The following MTUS1 variants were observed in gnomAD, a reference collection of about 807,000 sequenced individuals.
MTUS1 encodes microtubule associated scaffold protein 1, also known as microtubule-associated tumor suppressor 1.
Under a neutral mutation model 120.8 loss-of-function variants are expected in MTUS1, and 109 were observed. The observed-to-expected ratio is 0.90, with a 90% CI of 0.77 to 1.06. MTUS1 has a LOEUF of 1.06. MTUS1 is among the 50% of genes least tolerant of loss of function. The pLI is 0.00. For missense variants in MTUS1, 2,210 were observed against 1,486.3 expected (o/e 1.49, Z -8.01); for synonymous variants, 737 against 550.5 (o/e 1.34, Z -4.74).
rs564877355 is a variant in MTUS1 at position 17,675,019 on chromosome 8, C to A, written c.2905+167G>T. The A allele has an allele frequency of 2.5e-5, 36 of 1,419,182 alleles. No homozygotes were observed. The South Asian group carries it at 5.2e-4, about 20-fold the overall frequency. 87.9% of individuals were successfully genotyped at this position (1,419,182 alleles called of 1,614,324 possible). On this transcript the variant is annotated intron_variant, in intron 8 of 14. Coordinates refer to ENST00000693296, the MANE Select transcript of MTUS1 (RefSeq NM_001363059.2). ...ATTCTGTGAACTGAAGGTCAAGCTG[C>A]CAAGATTCAAAAGAAATGTCGATAG...
intron 3 of MTUS1, among the ~76,000 whole-genome samples, chr8:17,738,549 T>C (rs927753370): frequency 6.6e-6 from 1 of 152,218 alleles, no homozygotes; most frequent in Non-Finnish European, 1.5e-5. Context: ...GCAGCATTAA[T>C]TTTATTATTA....
chr8:17,654,908 G>A lies in MTUS1; in HGVS notation c.3109-242C>T, dbSNP rs767647677. The A allele has an allele frequency of 8.6e-5, 45 of 526,282 alleles. No homozygotes were observed. In the Middle Eastern group the frequency reaches 1.2e-3, roughly 14 times the overall value. 32.6% of individuals were successfully genotyped at this position (526,282 alleles called of 1,614,324 possible). Reference sequence around the variant, plus strand: ...GTTCAAGTCCAGCCTGGGCAATGTCGCGAGACTCTGTCCCCACATGTGCAC... The same window carrying A: ...GTTCAAGTCCAGCCTGGGCAATGTCACGAGACTCTGTCCCCACATGTGCAC... On this transcript the variant is annotated intron_variant, in intron 9 of 14. Coordinates refer to ENST00000693296, the MANE Select transcript of MTUS1 (RefSeq NM_001363059.2).
rs144773361 is a variant in MTUS1 at position 17,754,817 on chromosome 8, T to C, written c.991A>G (p.Lys331Glu). The change falls in exon 2 of 15, where the codon AAG becomes GAG. Residue 331 changes from lysine to glutamate, a missense_variant. Transcript: ENST00000693296. ...EPHSQSSYRH[K>E]EMGQNLRETV... ...TCTCTCAGATTTTGGCCCATTTCCT[T>C]GTGCCTGTATGAGCTCTGTGAATGT... The C allele has an allele frequency of 5.6e-4, 911 of 1,614,242 alleles. 1 individual carries two copies. The highest frequency in any genetic ancestry group is 7.0e-4 in the Non-Finnish European group (830 of 1,180,034).
chr8:17,724,152 T>C (rs941116064), intron 3 of MTUS1: 11 of 492,528 alleles, frequency 2.2e-5, no homozygotes, highest in African/African-American at 2.0e-4. Context: ...AGAAAGCAGC[T>C]TTTGGCAAAA....
At chr8:17,669,552 A>G (rs1811584917) in intron 8 of MTUS1, among the ~76,000 whole-genome samples, 1 of 152,298 alleles carries the variant, frequency 6.6e-6, no homozygotes, top group South Asian at 2.1e-4. Flanking sequence ...TTTGTTAAAA[A>G]TGTCCAGTAC....
At chr8:17,703,165 G>C (rs558831051) in intron 6 of MTUS1, among the ~76,000 whole-genome samples, 1 of 152,296 alleles carries the variant, frequency 6.6e-6, no homozygotes, top group South Asian at 2.1e-4. Flanking sequence ...CGGTCGGGCA[G>C]AATACAGCCA....
intron 6 of MTUS1, among the ~76,000 whole-genome samples, chr8:17,689,370 TC>T (rs150358796): frequency 0.041 from 6,240 of 152,246 alleles, 417 homozygotes; most frequent in African/African-American, 0.14. Context: ...GGGTTCTACT[TC>T]TTTTCTTCAC....
intron 3 of MTUS1, among the ~76,000 whole-genome samples, chr8:17,739,425 G>C (rs1400802284): frequency 1.4e-5 from 2 of 147,280 alleles, no homozygotes; most frequent in African/African-American, 5.0e-5. Flanking sequence ...CCAGGGAAGG[G>C]GAGGTTGTGG....
At chr8:17,749,035 C>A (rs1362970151) in intron 2 of MTUS1, among the ~76,000 whole-genome samples, 1 of 152,092 alleles carries the variant, frequency 6.6e-6, no homozygotes, top group Non-Finnish European at 1.5e-5. Context: ...TCTGAAGGGA[C>A]CACTTCTCTC....
rs1193751816 is a variant in MTUS1 at position 17,655,895 on chromosome 8, C to A, written c.3076G>T (p.Ala1026Ser). 1 of 1,614,248 alleles carries A rather than the reference C, an allele frequency of 6.2e-7. No homozygotes were observed. Among genetic ancestry groups the A allele is most frequent in the East Asian group, 2.2e-5 (1 of 44,890 alleles). Residue 1026 changes from alanine (A) to serine (S), a missense_variant, in exon 9 of 15, where the codon GCA (alanine) becomes TCA (serine). Coordinates refer to ENST00000693296, the MANE Select transcript of MTUS1 (RefSeq NM_001363059.2). ...EKLRDTYIEEAEKYKMQLQEQ... is the reference protein window; with the variant it reads ...EKLRDTYIEESEKYKMQLQEQ... ...TGCAATTGCATTTTGTACTTCTCTG[C>A]TTCTTCAATGTAAGTGTCCCGAAGC...
At position 17,753,986 on chromosome 8, in the gene MTUS1, C is replaced by T. The variant is rs746370300; in HGVS notation, c.1822G>A (p.Val608Met). The T allele has an allele frequency of 2.0e-5, 32 of 1,614,072 alleles. No individual in the cohort carries two copies. The highest frequency in any genetic ancestry group is 1.2e-4 in the African/African-American group (9 of 74,908). The change falls in exon 2 of 15, where the codon GTG becomes ATG. Residue 608 changes from valine to methionine, a missense_variant. Val to Met is a conservative substitution (Grantham distance 21). Coordinates refer to ENST00000693296, the MANE Select transcript of MTUS1 (RefSeq NM_001363059.2). ...TCAACATCTTCCTGATTCGATTTCA[C>T]GGCAGATGTTGTTCTTGGAACCCTG... ...SHRVPRTTSA[V>M]KSNQEDVDKA... is the part of the protein sequence containing the mutation.
intron 2 of MTUS1, among the ~76,000 whole-genome samples, chr8:17,747,142 C>T (rs1445694924): frequency 6.6e-6 from 1 of 152,172 alleles, no homozygotes; most frequent in Non-Finnish European, 1.5e-5. Context: ...TTCACAAGGC[C>T]CAGCAATCCT....
At chr8:17,734,903 C>G (rs1453695165) in intron 3 of MTUS1, among the ~76,000 whole-genome samples, 3 of 150,782 alleles carry the variant, frequency 2.0e-5, no homozygotes, top group Non-Finnish European at 4.4e-5. Context: ...CTCAAAACTT[C>G]ACACCAACTT....
chr8:17,669,114 A>T (rs1330116239), intron 8 of MTUS1, among the ~76,000 whole-genome samples: 1 of 152,214 alleles, frequency 6.6e-6, no homozygotes, highest in African/African-American at 2.4e-5. Flanking sequence ...CTAATTCTAG[A>T]TGGCAAGAAG....
At chr8:17,787,386 T>C (rs2051396219) in intron 1 of MTUS1, among the ~76,000 whole-genome samples, 1 of 152,210 alleles carries the variant, frequency 6.6e-6, no homozygotes, top group Non-Finnish European at 1.5e-5. Context: ...TTTCCAGAAG[T>C]TGAGTACCTT....
intron 6 of MTUS1, among the ~76,000 whole-genome samples, chr8:17,689,830 CA>C (rs1816596443): frequency 6.9e-6 from 1 of 145,052 alleles, no homozygotes; most frequent in Non-Finnish European, 1.5e-5. Flanking sequence ...AAAATTGGAA[CA>C]GAGAAACTGG....
Position 17,715,876 on chromosome 8 carries a change from A to T in MTUS1, c.2475T>A (p.Tyr825Ter). ...ATGCTGGTTTTGGAGGTTTCTCCTC[A>T]TATTTGATGACAGCGGCATTACCAG... ...NNSGNAAVIKYEEKPPKPAFQ... is the reference protein window; with the variant it reads ...NNSGNAAVIK The change falls in exon 5 of 15, where the codon TAT (tyrosine) becomes TAA (stop). Residue 825 changes from tyrosine (Y) to a stop codon, truncating the protein, a stop_gained. Coordinates refer to ENST00000693296, the MANE Select transcript of MTUS1 (RefSeq NM_001363059.2). LOFTEE classifies it high-confidence loss of function. The T allele has an allele frequency of 6.2e-7, 1 of 1,613,430 alleles. No homozygotes were observed. The highest frequency in any genetic ancestry group is 1.1e-5 in the South Asian group (1 of 90,918).
intron 8 of MTUS1, among the ~76,000 whole-genome samples, chr8:17,663,098 G>C (rs1319324204): frequency 6.6e-6 from 1 of 151,048 alleles, no homozygotes; most frequent in Non-Finnish European, 1.5e-5. Flanking sequence ...TTTAAGTTTT[G>C]CTTTTCAAGT....
chr8:17,703,000 G>A (rs372466884), intron 6 of MTUS1, among the ~76,000 whole-genome samples: 21 of 152,186 alleles, frequency 1.4e-4, no homozygotes, highest in Admixed American at 1.1e-3. Context: ...GAGGATGTAC[G>A]TCACCTCAGG....
Sources: gnomAD v4.1 joint callset for allele counts (sites outside exome capture counted in the v4.1 genomes callset) on GRCh38, gnomAD v4.1.1 for gene constraint, MANE v1.5 for transcripts, NCBI Gene and HGNC (gene_info 2026-07-23, HGNC 2026-07-21) for gene names.